The following DNAAF4 variants were observed in gnomAD, a reference collection of about 807,000 sequenced individuals.
The protein encoded by DNAAF4 is dynein axonemal assembly factor 4.
In DNAAF4, 43 loss-of-function variants were observed where a neutral mutation model predicts 51.8. The ratio of observed to expected loss-of-function variants is 0.83; its 90% CI spans 0.65 to 1.07. The LOEUF is 1.07. Ranked by LOEUF, DNAAF4 falls within the 50% of genes least tolerant of loss-of-function variation. The pLI is 0.00. For synonymous variants in DNAAF4, 194 were observed against 165.6 expected (o/e 1.17, Z -1.32); for missense variants, 581 against 493.0 (o/e 1.18, Z -1.69).
chr15:55,426,512 G>C (rs991161762), downstream of DNAAF4, among the ~76,000 whole-genome samples: 1 of 152,142 alleles, frequency 6.6e-6, no homozygotes, highest in African/African-American at 2.4e-5. Context: ...TGTTAGGTTA[G>C]CTCTCTTTCA....
At position 55,470,050 on chromosome 15, in the gene DNAAF4, A is replaced by G. The variant is rs1260750066; in HGVS notation, c.406-2889T>C. ...TCAGATAAATACCTCGCTTATATTT[A>G]CCCCTTTTTTTTTTTTTCTGAGACG... On this transcript the variant is annotated intron_variant, in intron 4 of 9. Transcript: ENST00000321149. Among the ~76,000 whole-genome samples, 6 of 131,522 alleles carry G rather than the reference A, an allele frequency of 4.6e-5. No homozygotes were observed. In the East Asian group the frequency reaches 8.9e-4, roughly 20 times the overall value. The allele number at this position is 131,522 out of a possible 152,430, so 86.3% of individuals were successfully genotyped here.
At chr15:55,472,544 G>A (rs982678906) in intron 4 of DNAAF4, among the ~76,000 whole-genome samples, 8 of 151,696 alleles carry the variant, frequency 5.3e-5, no homozygotes, top group Non-Finnish European at 8.8e-5. Context: ...CTTGAATCTC[G>A]GAGGCAGAGG....
At chr15:55,443,154 T>A in intron 6 of DNAAF4, 3 of 1,610,796 alleles carry the variant, frequency 1.9e-6, no homozygotes, top group Non-Finnish European at 2.5e-6. Flanking sequence ...CGTCTTCACA[T>A]TTCTTCATAA....
Position 55,486,366 on chromosome 15 carries a change from G to T in DNAAF4, c.405+4757C>A, listed in dbSNP as rs905070093. On this transcript the variant is annotated intron_variant, in intron 4 of 9. Transcript: ENST00000321149. The stretch of plus-strand genomic sequence containing the variant: ...CTGCCACCACGCCCAGCTAATTTTT[G>T]TATTTTTAGTAGAGACAGGTTTTCA... Among the ~76,000 whole-genome samples the T allele has an allele frequency of 2.0e-5, 3 of 151,838 alleles. No individual in the cohort carries two copies. In the East Asian group the frequency reaches 5.8e-4, roughly 29 times the overall value.
chr15:55,463,031 A>C (rs1308984881), intron 5 of DNAAF4, among the ~76,000 whole-genome samples: 1 of 152,128 alleles, frequency 6.6e-6, no homozygotes, highest in Non-Finnish European at 1.5e-5. Context: ...AAAGTTAGCT[A>C]GGTGTGGTGG....
chr15:55,450,290 T>C lies in DNAAF4; in HGVS notation c.715A>G (p.Lys239Glu). Residue 239 changes from lysine (K) to glutamate (E), a missense_variant, in exon 6 of 10, where the codon AAA becomes GAA. Transcript: ENST00000321149. ...IPAPRSVGSI[K>E]INFTPRVFPT... is the part of the protein sequence containing the mutation. ...AATACTCGAGGGGTAAAGTTGATTT[T>C]AATACTGCCAACAGAGCGAGGAGCA... is the stretch of plus-strand genomic sequence containing the variant. The C allele has an allele frequency of 6.2e-7, 1 of 1,614,080 alleles. No individual in the cohort carries two copies. The highest frequency in any genetic ancestry group is 8.5e-7 in the Non-Finnish European group (1 of 1,180,018).
chr15:55,441,746 T>C (rs1012902071), intron 6 of DNAAF4, among the ~76,000 whole-genome samples: 2 of 152,190 alleles, frequency 1.3e-5, no homozygotes, highest in African/African-American at 2.4e-5. Context: ...CATGAACTCA[T>C]CCTTTTTTAT....
At chr15:55,504,399 T>C (rs933604171) in intron 1 of DNAAF4, among the ~76,000 whole-genome samples, 2 of 152,170 alleles carry the variant, frequency 1.3e-5, no homozygotes, top group Non-Finnish European at 2.9e-5. Context: ...AATGACTTTC[T>C]TCACAGAATT....
chr15:55,498,591 G>C lies in DNAAF4; in HGVS notation c.-255-7C>G. 1 of 56,810 alleles carries C rather than the reference G, an allele frequency of 1.8e-5. No homozygotes were observed. The highest frequency in any genetic ancestry group is 1.4e-4 in the African/African-American group (1 of 7,374). 3.5% of individuals were successfully genotyped at this position (56,810 alleles called of 1,614,324 possible). ...AGAAGTAGACCCATACCCTCTGCTT[G>C]AGAAAAAAAAAAAAAAAAAAAAGCA... On this transcript the variant is annotated splice_polypyrimidine_tract_variant and splice_region_variant and intron_variant, in intron 1 of 9. Transcript: ENST00000321149.
downstream of DNAAF4, among the ~76,000 whole-genome samples, chr15:55,426,092 G>A (rs958133226): frequency 2.8e-5 from 4 of 143,588 alleles, no homozygotes; most frequent in African/African-American, 1.2e-4. Context: ...TGGTTAGGTA[G>A]ATGAAATCAA....
chr15:55,498,260 T>G lies in DNAAF4; in HGVS notation c.70A>C (p.Lys24Gln). 6.2e-7 allele frequency: 1 copy of G among 1,613,876 alleles called. No homozygotes were observed. The change falls in exon 2 of 10, where the codon AAA (lysine) becomes CAA (glutamine). Residue 24 changes from lysine (K) to glutamine (Q), a missense_variant. Physicochemically the swap from Lys to Gln is moderately conservative, Grantham distance 53. Coordinates refer to ENST00000321149, the MANE Select transcript of DNAAF4 (RefSeq NM_130810.4). ...KTAVFLSLPL[K>Q]GVCVRDTDVF... ...TCCGTGTCTCTGACGCACACGCCTT[T>G]GAGGGGCAGAGACAGAAAGACCGCA...
rs1351751245 is a variant in DNAAF4 at position 55,466,921 on chromosome 15, T to C, written c.637+9A>G. 3 of 1,581,334 alleles carry C rather than the reference T, an allele frequency of 1.9e-6. No individual in the cohort carries two copies. In the East Asian group the frequency reaches 6.8e-5, roughly 36 times the overall value. ...GACTCACTACTCAAGAAATTCTTAA[T>C]CATTTTACCTTTTGGAGCAAGATTT... is the stretch of plus-strand genomic sequence containing the variant. On this transcript the variant is annotated intron_variant, in intron 5 of 9. Transcript: ENST00000321149.
intron 5 of DNAAF4, among the ~76,000 whole-genome samples, chr15:55,456,360 G>A (rs2058021186): frequency 3.3e-5 from 5 of 152,166 alleles, no homozygotes; most frequent in African/African-American, 9.7e-5. Flanking sequence ...GGGATTACAG[G>A]CGTGAGCCAC....
intron 3 of DNAAF4, among the ~76,000 whole-genome samples, chr15:55,497,257 T>C (rs1374698676): frequency 6.6e-6 from 1 of 152,130 alleles, no homozygotes; most frequent in Non-Finnish European, 1.5e-5. Context: ...CTTCTGTTGT[T>C]AGTTTATTTT....
downstream of DNAAF4, among the ~76,000 whole-genome samples, chr15:55,425,319 C>A (rs1174085844): frequency 6.6e-6 from 1 of 152,210 alleles, no homozygotes; most frequent in Admixed American, 6.5e-5. Flanking sequence ...CCTGGCCTGT[C>A]TTCAGCAAGA....
chr15:55,459,892 CAG>C (rs1206404666), intron 5 of DNAAF4, among the ~76,000 whole-genome samples: 1 of 151,898 alleles, frequency 6.6e-6, no homozygotes, highest in Non-Finnish European at 1.5e-5. Context: ...TTAGTAGAGA[CAG>C]AGTTTCACCA....
intron 6 of DNAAF4, among the ~76,000 whole-genome samples, chr15:55,446,295 ACGGGGGGGGGGGG>A (rs2057809814): frequency 3.3e-5 from 1 of 30,432 alleles, no homozygotes; most frequent in Admixed American, 5.0e-4. Context: ...CACATCCCAG[ACGGGGGGGGGGGG>A]CAGCTGGGCA....
At chr15:55,482,823 C>A (rs1421706071) in intron 4 of DNAAF4, among the ~76,000 whole-genome samples, 1 of 152,104 alleles carries the variant, frequency 6.6e-6, no homozygotes, top group Non-Finnish European at 1.5e-5. Context: ...AAATGTGGTG[C>A]CATCCATACT....
At chr15:55,503,559 C>G (rs2058710746) in intron 1 of DNAAF4, among the ~76,000 whole-genome samples, 2 of 152,194 alleles carry the variant, frequency 1.3e-5, no homozygotes, top group South Asian at 2.1e-4. Context: ...AGCAGCACCT[C>G]AGAAAGCTTA....
Sources: gnomAD v4.1 joint callset for allele counts (sites outside exome capture counted in the v4.1 genomes callset) on GRCh38, gnomAD v4.1.1 for gene constraint, MANE v1.5 for transcripts, NCBI Gene and HGNC (gene_info 2026-07-23, HGNC 2026-07-21) for gene names.